The following ADGRL2 variants were observed in gnomAD, a reference collection of about 807,000 sequenced individuals.
ADGRL2 encodes the protein adhesion G protein-coupled receptor L2, also known as calcium-independent alpha-latrotoxin receptor 2.
In ADGRL2, 44 loss-of-function variants were observed where a neutral mutation model predicts 157.4. That is an observed-to-expected ratio of 0.28 (90% CI 0.22 to 0.36). The LOEUF (loss-of-function observed/expected upper bound fraction) is 0.36. ADGRL2 is among the 10% of genes least tolerant of loss of function. ADGRL2 has a pLI of 1.00. For synonymous variants in ADGRL2, 585 were observed against 624.7 expected (o/e 0.94, Z 0.95); for missense variants, 1,510 against 1,768.9 (o/e 0.85, Z 2.63).
At chr1:81,880,143 G>T (rs2093949688) in intron 2 of ADGRL2, among the ~76,000 whole-genome samples, 1 of 152,158 alleles carries the variant, frequency 6.6e-6, no homozygotes, top group African/African-American at 2.4e-5. Context: ...TGTCTAAAGC[G>T]ATGTCCTACT....
intron 1 of ADGRL2, among the ~76,000 whole-genome samples, chr1:81,415,205 CTT>C (rs2077012467): frequency 6.6e-6 from 1 of 151,952 alleles, no homozygotes; most frequent in African/African-American, 2.4e-5. Flanking sequence ...CCACATTTGT[CTT>C]TGTTTATATG....
At chr1:81,504,930 TAAAGA>T (rs1322116585) in intron 2 of ADGRL2, among the ~76,000 whole-genome samples, 1 of 152,030 alleles carries the variant, frequency 6.6e-6, no homozygotes, top group Non-Finnish European at 1.5e-5. Flanking sequence ...TCCTGTGCTG[TAAAGA>T]AAATTGATTC....
At chr1:81,327,375 A>C (rs1420547751) in intron 1 of ADGRL2, among the ~76,000 whole-genome samples, 3 of 152,198 alleles carry the variant, frequency 2.0e-5, no homozygotes, top group African/African-American at 7.2e-5. Flanking sequence ...AAGGTTCACT[A>C]TCTGAACAGG....
At chr1:81,408,023 T>C (rs1489570964) in intron 1 of ADGRL2, among the ~76,000 whole-genome samples, 1 of 152,188 alleles carries the variant, frequency 6.6e-6, no homozygotes, top group Non-Finnish European at 1.5e-5. Flanking sequence ...ACAATGAGGT[T>C]GTTACACAAG....
intron 13 of ADGRL2, 143 bp from the exon 14 acceptor site, chr1:81,967,883 A>C (rs999355526): frequency 1.5e-6 from 1 of 663,164 alleles, no homozygotes; most frequent in African/African-American, 1.8e-5. Context: ...TGTATAACAT[A>C]GTCCACAATT....
At chr1:81,636,292 T>C (rs2082113331) in intron 3 of ADGRL2, among the ~76,000 whole-genome samples, 1 of 152,234 alleles carries the variant, frequency 6.6e-6, no homozygotes. Context: ...TGTAGGAATA[T>C]GTATGTGTGT....
At chr1:81,886,477 C>A (rs978749905) in intron 2 of ADGRL2, among the ~76,000 whole-genome samples, 2 of 152,130 alleles carry the variant, frequency 1.3e-5, no homozygotes, top group Non-Finnish European at 2.9e-5. Context: ...GCTGGTACAC[C>A]TTTTATATTG....
At chr1:81,950,099 T>G in intron 6 of ADGRL2, 90 bp from the exon 7 acceptor site, 1 of 970,930 alleles carries the variant, frequency 1.0e-6, no homozygotes, top group Non-Finnish European at 1.6e-6. Flanking sequence ...GTTTTGTGTG[T>G]GTGTGTGCAT....
intron 2 of ADGRL2, among the ~76,000 whole-genome samples, chr1:81,886,416 C>T (rs756835360): frequency 6.6e-6 from 1 of 152,138 alleles, no homozygotes; most frequent in East Asian, 1.9e-4. Flanking sequence ...GTGATCTGCC[C>T]GTCTCGGCTT....
At chr1:81,436,475 A>G (rs948993739) in intron 1 of ADGRL2, among the ~76,000 whole-genome samples, 1 of 152,136 alleles carries the variant, frequency 6.6e-6, no homozygotes, top group Middle Eastern at 3.2e-3. Flanking sequence ...GTCCATGACC[A>G]TAATGTCTGG....
intron 1 of ADGRL2, among the ~76,000 whole-genome samples, chr1:81,806,118 A>G (rs896951026): frequency 6.6e-6 from 1 of 152,078 alleles, no homozygotes; most frequent in African/African-American, 2.4e-5. Flanking sequence ...TGGGGAAATC[A>G]GAATATTGAA....
At chr1:81,527,855 C>T (rs988624986) in intron 2 of ADGRL2, among the ~76,000 whole-genome samples, 27 of 152,064 alleles carry the variant, frequency 1.8e-4, no homozygotes, top group African/African-American at 6.5e-4. Context: ...ATCACGAGGT[C>T]AGGAGATCGA....
chr1:81,697,925 T>A (rs751725806), upstream of ADGRL2, among the ~76,000 whole-genome samples: 5 of 152,188 alleles, frequency 3.3e-5, no homozygotes, highest in African/African-American at 4.8e-5. Flanking sequence ...CCATGTATTT[T>A]GCATAATTAG....
chr1:81,628,477 T>C (rs1280674700), intron 3 of ADGRL2, among the ~76,000 whole-genome samples: 1 of 152,164 alleles, frequency 6.6e-6, no homozygotes, highest in Non-Finnish European at 1.5e-5. Context: ...TAAGTGTCTG[T>C]TGAGTGACAA....
At chr1:81,423,591 T>A (rs995770269) in intron 1 of ADGRL2, among the ~76,000 whole-genome samples, 1 of 152,242 alleles carries the variant, frequency 6.6e-6, no homozygotes, top group East Asian at 1.9e-4. Context: ...ATAATTATTT[T>A]ACAATATTGT....
At chr1:81,513,404 G>A (rs574298473) in intron 2 of ADGRL2, among the ~76,000 whole-genome samples, 1 of 152,256 alleles carries the variant, frequency 6.6e-6, no homozygotes, top group Non-Finnish European at 1.5e-5. Flanking sequence ...TATATGAAAT[G>A]TAGATACTAA....
intron 1 of ADGRL2, among the ~76,000 whole-genome samples, chr1:81,414,564 T>C (rs911804256): frequency 1.3e-5 from 2 of 152,178 alleles, no homozygotes; most frequent in Non-Finnish European, 1.5e-5. Flanking sequence ...GCTGGAAGGA[T>C]GGCCAGGTGC....
intron 1 of ADGRL2, among the ~76,000 whole-genome samples, chr1:81,747,143 A>ATATATACG (rs71085372): frequency 0.081 from 11,343 of 139,570 alleles, 502 homozygotes; most frequent in South Asian, 0.14. Context: ...ATATGTATAC[A>ATATATACG]TATATACGTA....
chr1:81,644,709 G>A (rs183715877), intron 3 of ADGRL2, among the ~76,000 whole-genome samples: 6 of 152,198 alleles, frequency 3.9e-5, no homozygotes, highest in South Asian at 2.1e-4. Flanking sequence ...ATGGACTCCC[G>A]GTGATGATGT....
Sources: gnomAD v4.1 joint callset for allele counts (sites outside exome capture counted in the v4.1 genomes callset) on GRCh38, gnomAD v4.1.1 for gene constraint, MANE v1.5 for transcripts, NCBI Gene and HGNC (gene_info 2026-07-23, HGNC 2026-07-21) for gene names.